The following MRPS35 variants were observed in gnomAD, a reference collection of about 807,000 sequenced individuals.
MRPS35 encodes mitochondrial ribosomal protein S35, also known as small ribosomal subunit protein mS35.
Under a neutral mutation model 32.7 loss-of-function variants are expected in MRPS35, and 29 were observed. The ratio of observed to expected loss-of-function variants is 0.89; its 90% CI spans 0.66 to 1.21. MRPS35 has a LOEUF of 1.21. MRPS35 is among the 50% of genes most tolerant of loss of function. MRPS35 has a pLI of 0.00. For missense variants in MRPS35, 373 were observed against 383.8 expected, an observed-to-expected ratio of 0.97 and a Z score of 0.23; for synonymous variants, 148 against 139.3, an observed-to-expected ratio of 1.06 and a Z score of -0.44.
chr12:27,751,855 GCCTGCACGCCAAACT>G (rs2062005639), intron 7 of MRPS35, among the ~76,000 whole-genome samples: 1 of 152,200 alleles, frequency 6.6e-6, no homozygotes, highest in Non-Finnish European at 1.5e-5. Context: ...GGGGGTGTGC[GCCTGCACGCCAAACT>G]CGCTGAGTCA....
At chr12:27,716,565 TA>T in intron 3 of MRPS35, 107 bp downstream of exon 3, 1 of 1,004,996 alleles carries the variant, frequency 1.0e-6, no homozygotes, top group Non-Finnish European at 1.5e-6. Flanking sequence ...TATAGCAGCT[TA>T]GTGTATTTTA....
intron 7 of MRPS35, among the ~76,000 whole-genome samples, chr12:27,746,252 A>G (rs898165903): frequency 1.3e-5 from 2 of 152,172 alleles, no homozygotes; most frequent in Admixed American, 1.3e-4. Flanking sequence ...TTTTTAAGAC[A>G]GTTTTTGTAC....
In MRPS35 at chr12:27,714,832, G is replaced by T. The variant is rs1007901843; in HGVS notation, c.153+12G>T. On this transcript the variant is annotated intron_variant, in intron 2 of 7. Coordinates refer to ENST00000081029, the MANE Select transcript of MRPS35 (RefSeq NM_021821.4). ...CACCAAGAAGAAAGGTAAAAAGTTC[G>T]TATACTCTACTATCTTAATGGTTTC... 1 of 1,607,392 alleles carries T rather than the reference G, an allele frequency of 6.2e-7. No individual in the cohort carries two copies. The highest frequency in any genetic ancestry group is 8.5e-7 in the Non-Finnish European group (1 of 1,174,596).
Position 27,714,785 on chromosome 12 carries a change from A to C in MRPS35, c.118A>C (p.Arg40=). The C allele has an allele frequency of 6.2e-7, 1 of 1,610,540 alleles. No individual in the cohort carries two copies. Among genetic ancestry groups the C allele is most frequent in the Non-Finnish European group, 8.5e-7 (1 of 1,176,996 alleles). The change falls in exon 2 of 8, where the codon AGA becomes CGA. Residue 40 remains arginine, a synonymous_variant. Coordinates refer to ENST00000081029, the MANE Select transcript of MRPS35 (RefSeq NM_021821.4). The part of the protein sequence containing the change: ...TPVPTPSLPE[R]TPGNERPPRR... ...GTGTTATCTTTTACGTACAGCGGAAAGAACACCCGGAAATGAAAGGCCACC... is the reference window on the plus strand; with the variant it reads ...GTGTTATCTTTTACGTACAGCGGAACGAACACCCGGAAATGAAAGGCCACC...
At chr12:27,716,541 T>A in intron 3 of MRPS35, 83 bp downstream of exon 3, 1 of 1,393,772 alleles carries the variant, frequency 7.2e-7, no homozygotes, top group Non-Finnish European at 1.0e-6. Context: ...TCTCTTATGC[T>A]TCACCGTTCA....
intron 5 of MRPS35, among the ~76,000 whole-genome samples, chr12:27,728,703 C>G (rs1271009205): frequency 6.6e-6 from 1 of 151,996 alleles, no homozygotes; most frequent in African/African-American, 2.4e-5. Flanking sequence ...GCAAACAACC[C>G]CACCTCCCTC....
At chr12:27,748,438 G>GGTGTGTGTGTGTGT (rs35760106) in intron 7 of MRPS35, among the ~76,000 whole-genome samples, 17 of 146,080 alleles carry the variant, frequency 1.2e-4, no homozygotes, top group Middle Eastern at 3.5e-3. Flanking sequence ...AAAGAAAAGT[G>GGTGTGTGTGTGTGT]GTGTGTGTGT....
At chr12:27,734,049 T>C (rs767542664) in intron 5 of MRPS35, among the ~76,000 whole-genome samples, 6 of 152,214 alleles carry the variant, frequency 3.9e-5, no homozygotes, top group Admixed American at 1.3e-4. Flanking sequence ...TAGGCTACTA[T>C]ACTGTGATGT....
At chr12:27,727,345 G>A (rs548208931) in intron 5 of MRPS35, among the ~76,000 whole-genome samples, 3 of 152,260 alleles carry the variant, frequency 2.0e-5, no homozygotes, top group Admixed American at 6.5e-5. Context: ...ATACACAACA[G>A]TGGTCCCAAG....
intron 1 of MRPS35, among the ~76,000 whole-genome samples, chr12:27,714,023 C>T (rs939705275): frequency 4.1e-5 from 6 of 146,026 alleles, no homozygotes; most frequent in African/African-American, 1.5e-4. Flanking sequence ...TGCAGTAAGC[C>T]GAGATTGCAC....
intron 7 of MRPS35, among the ~76,000 whole-genome samples, chr12:27,739,742 C>T (rs2061956435): frequency 6.6e-6 from 1 of 152,182 alleles, no homozygotes; most frequent in Non-Finnish European, 1.5e-5. Context: ...TAATAACTAA[C>T]AATAAATACA....
chr12:27,723,212 A>C (rs947749779), intron 4 of MRPS35, among the ~76,000 whole-genome samples: 3 of 152,154 alleles, frequency 2.0e-5, no homozygotes, highest in African/African-American at 4.8e-5. Context: ...TGATTGAAAC[A>C]GGACAAGATG....
intron 4 of MRPS35, among the ~76,000 whole-genome samples, chr12:27,721,184 A>G (rs2061872890): frequency 6.6e-6 from 1 of 152,232 alleles, no homozygotes; most frequent in African/African-American, 2.4e-5. Context: ...AAGGAAGACT[A>G]TATAAAGAGG....
At chr12:27,735,181 A>G (rs1386991418) in intron 5 of MRPS35, among the ~76,000 whole-genome samples, 1 of 152,210 alleles carries the variant, frequency 6.6e-6, no homozygotes, top group Non-Finnish European at 1.5e-5. Flanking sequence ...CATTTATTTA[A>G]CAGATATGTC....
rs1012867264 is a variant in MRPS35 at position 27,721,408 on chromosome 12, C to T, written c.382+1540C>T. On this transcript the variant is annotated intron_variant, in intron 4 of 7. Coordinates refer to ENST00000081029, the MANE Select transcript of MRPS35 (RefSeq NM_021821.4). ...CATGGTGCCTCACACCTGTAATGCT[C>T]GCACTTTGGGAGTCTGAGGTGGGTG... Among the ~76,000 whole-genome samples the T allele has an allele frequency of 4.6e-5, 7 of 152,230 alleles. No individual in the cohort carries two copies. In the East Asian group the frequency reaches 9.7e-4, roughly 21 times the overall value.
chr12:27,711,330 G>T (rs950418743), intron 1 of MRPS35, among the ~76,000 whole-genome samples: 5 of 152,236 alleles, frequency 3.3e-5, no homozygotes, highest in African/African-American at 1.2e-4. Context: ...GAGTCATACG[G>T]CTGTGCTAGG....
chr12:27,722,917 C>T (rs1305823574), intron 4 of MRPS35, among the ~76,000 whole-genome samples: 1 of 152,090 alleles, frequency 6.6e-6, no homozygotes, highest in Non-Finnish European at 1.5e-5. Flanking sequence ...ATAAGAAAAT[C>T]GTTAGCCCAA....
rs759724505 is a variant in MRPS35 at position 27,710,848 on chromosome 12, C to A, written c.5C>A (p.Ala2Glu). Residue 2 changes from alanine (A) to glutamate (E), a missense_variant, in exon 1 of 8, where the codon GCG becomes GAG. Physicochemically the swap from Ala to Glu is moderately radical, Grantham distance 107. Transcript: ENST00000081029. M[A>E]AAALPAWLSL... ...CGGCTTGCCGTCCTCGCAGCCATGGCGGCCGCCGCGCTCCCAGCATGGCTG... is the reference window on the plus strand; with the variant it reads ...CGGCTTGCCGTCCTCGCAGCCATGGAGGCCGCCGCGCTCCCAGCATGGCTG... The A allele has an allele frequency of 6.2e-7, 1 of 1,604,686 alleles. No individual in the cohort carries two copies. Among genetic ancestry groups the A allele is most frequent in the Admixed American group, 1.7e-5 (1 of 59,878 alleles).
chr12:27,716,297 C>T lies in MRPS35; in HGVS notation c.160C>T (p.Pro54Ser). Reference sequence around the variant, plus strand: ...ACGATTTTATATTTCTTAGGCACTACCTCCTAGGACAGAGAAAATGGCTGT... The same window carrying T: ...ACGATTTTATATTTCTTAGGCACTATCTCCTAGGACAGAGAAAATGGCTGT... ...NERPPRRKALPPRTEKMAVDQ... is the reference protein window; with the variant it reads ...NERPPRRKALSPRTEKMAVDQ... The change falls in exon 3 of 8, where the codon CCT (proline) becomes TCT (serine). Residue 54 changes from proline (P) to serine (S), a missense_variant. By Grantham distance (74) the Pro-to-Ser change is moderately conservative (BLOSUM62 -1). Transcript: ENST00000081029. 2 of 1,568,464 alleles carry T rather than the reference C, an allele frequency of 1.3e-6. No individual in the cohort carries two copies. Among genetic ancestry groups the T allele is most frequent in the Non-Finnish European group, 1.7e-6 (2 of 1,161,462 alleles).
Sources: allele counts gnomAD v4.1 joint callset (sites outside exome capture counted in the v4.1 genomes callset), GRCh38; gene constraint gnomAD v4.1.1; transcripts MANE v1.5; gene names NCBI Gene and HGNC (gene_info 2026-07-23, HGNC 2026-07-21).